AARS1: variants seen among roughly 807,000 people sequenced by gnomAD.
AARS1 encodes the protein alanyl-tRNA synthetase 1.
In AARS1, 72 loss-of-function variants were observed where a neutral mutation model predicts 108.9. The observed-to-expected ratio is 0.66, with a 90% CI of 0.55 to 0.80. The LOEUF (loss-of-function observed/expected upper bound fraction) is 0.80, where lower values mean the gene tolerates loss of function less well. AARS1 is among the 30% of genes least tolerant of loss of function. The pLI is 0.00. For synonymous variants in AARS1, 489 were observed against 465.7 expected (o/e 1.05, Z -0.64); for missense variants, 1,193 against 1,233.2 (o/e 0.97, Z 0.49).
Position 70,255,818 on chromosome 16 carries a change from A to G in AARS1, c.2196T>C (p.Ser732=). The G allele has an allele frequency of 6.2e-7, 1 of 1,613,890 alleles. No homozygotes were observed. The highest frequency in any genetic ancestry group is 8.5e-7 in the Non-Finnish European group (1 of 1,179,938). The part of the protein sequence containing the change: ...FCGGTHLRNS[S]HAGAFVIVTE... The stretch of plus-strand genomic sequence containing the variant: ...TCACGATCACAAAAGCTCCTGCATG[A>G]CTCGAGTTCCGCAGGTGCCTGAATG... Residue 732 remains serine (S), a synonymous_variant, in exon 16 of 21, where the codon AGT becomes AGC. Transcript: ENST00000261772.
At position 70,259,268 on chromosome 16, in the gene AARS1, C is replaced by T. The variant is rs958804412; in HGVS notation, c.1786-82G>A. 4.2e-5 allele frequency: 60 copies of T among 1,415,100 alleles called. No homozygotes were observed. The African/African-American group carries it at 7.6e-4, about 18-fold the overall frequency. 87.7% of individuals were successfully genotyped at this position (1,415,100 alleles called of 1,614,324 possible). A position where few individuals can be genotyped will look rare whatever the true frequency, so the allele number is the denominator to read the frequency against. On this transcript the variant is annotated intron_variant, in intron 13 of 20. Transcript: ENST00000261772. ...TCGTTATCTGCTCCCCCGAGTGCTA[C>T]AATTTTTAGTTGGAAATATGGCTGT... is the stretch of plus-strand genomic sequence containing the variant.
chr16:70,277,906 G>A (rs1960587875), intron 2 of AARS1, among the ~76,000 whole-genome samples: 1 of 151,800 alleles, frequency 6.6e-6, no homozygotes, highest in Non-Finnish European at 1.5e-5. Context: ...GCACGTACAG[G>A]TACACCTGGC....
rs776068061 is a variant in AARS1 at position 70,252,699 on chromosome 16, TG to T, written c.*21del. 6.2e-7 allele frequency: 1 copy of T among 1,613,222 alleles called. No individual in the cohort carries two copies. The highest frequency in any genetic ancestry group is 1.1e-5 in the South Asian group (1 of 90,956). On this transcript the variant is annotated 3_prime_UTR_variant, in exon 21 of 21. Transcript: ENST00000261772. ...CTCTTGGCTGGACGGATGGATCCAG[TG>T]GGAGCCTCCTCCTTCCCCACTCAGT... is the stretch of plus-strand genomic sequence containing the variant.
chr16:70,269,260 C>T (rs186727304), intron 7 of AARS1, among the ~76,000 whole-genome samples: 4 of 135,602 alleles, frequency 2.9e-5, no homozygotes, highest in Non-Finnish European at 6.2e-5. Context: ...GTGGAGGTTG[C>T]GGTGAGCCAA....
chr16:70,279,485 C>A (rs1960639117), intron 2 of AARS1, among the ~76,000 whole-genome samples: 1 of 150,878 alleles, frequency 6.6e-6, no homozygotes, highest in Admixed American at 6.6e-5. Flanking sequence ...CGTGGCGAAA[C>A]CCTGTCTCTA....
chr16:70,280,217 C>T (rs1171766714), intron 2 of AARS1, among the ~76,000 whole-genome samples: 1 of 152,084 alleles, frequency 6.6e-6, no homozygotes, highest in East Asian at 1.9e-4. Flanking sequence ...GTGCCTGGCC[C>T]ATAATTTTCT....
intron 14 of AARS1, 109 bp downstream of exon 14, chr16:70,258,871 A>G (rs994367992): frequency 2.3e-6 from 3 of 1,315,556 alleles, no homozygotes; most frequent in Admixed American, 3.5e-5. Context: ...AAGCAAATCT[A>G]CGTGCAGGAC....
intron 6 of AARS1, 145 bp from the exon 7 acceptor site, chr16:70,269,908 G>A (rs1158390601): frequency 4.3e-6 from 5 of 1,152,036 alleles, no homozygotes; most frequent in Non-Finnish European, 5.1e-6. Flanking sequence ...ACGTGACATT[G>A]GGGAAGTAGA....
chr16:70,267,854 C>T (rs1960300699), intron 8 of AARS1, 45 bp from the exon 9 acceptor site: 1 of 1,613,600 alleles, frequency 6.2e-7, no homozygotes, highest in Non-Finnish European at 8.5e-7. Context: ...AAGCCAGAGA[C>T]TGTTCCCTGC....
intron 2 of AARS1, among the ~76,000 whole-genome samples, chr16:70,279,629 C>T (rs893660009): frequency 2.1e-5 from 3 of 143,494 alleles, no homozygotes; most frequent in African/African-American, 7.8e-5. Context: ...CATTGCACTC[C>T]AGCCTGGGCA....
At chr16:70,289,093 G>C (rs1266653087) in intron 1 of AARS1, among the ~76,000 whole-genome samples, 1 of 152,056 alleles carries the variant, frequency 6.6e-6, no homozygotes, top group Non-Finnish European at 1.5e-5. Flanking sequence ...GGAATGGCTG[G>C]CTTACAGCAG....
intron 2 of AARS1, among the ~76,000 whole-genome samples, chr16:70,279,966 C>T (rs1277996277): frequency 6.6e-6 from 1 of 152,122 alleles, no homozygotes; most frequent in Non-Finnish European, 1.5e-5. Flanking sequence ...TCACGGCTCA[C>T]CTCAACTCCT....
chr16:70,270,271 C>T lies in AARS1; in HGVS notation c.741G>A (p.Leu247=), dbSNP rs148075561. The T allele has an allele frequency of 3.4e-4, 554 of 1,614,146 alleles. 3 individuals carry two copies. The highest frequency in any genetic ancestry group is 2.3e-3 in the Admixed American group (136 of 60,002). ...SIDTGMGLER[L]VSVLQNKMSN... is the part of the protein sequence containing the mutation. ...ACATCTTATTCTGCAGCACAGATAC[C>T]AGTCGTTCCAGGCCCATCCCTGTGT... The change falls in exon 6 of 21, where the codon CTG becomes CTA. Residue 247 remains leucine, a synonymous_variant. Transcript: ENST00000261772.
chr16:70,286,426 A>C (rs1960841833), intron 1 of AARS1, among the ~76,000 whole-genome samples: 1 of 143,782 alleles, frequency 7.0e-6, no homozygotes, highest in Non-Finnish European at 1.5e-5. Context: ...GCTGGAGCGC[A>C]GGCAATGGTG....
chr16:70,283,395 C>CA (rs756046434), intron 1 of AARS1, among the ~76,000 whole-genome samples: 2 of 135,370 alleles, frequency 1.5e-5, no homozygotes, highest in African/African-American at 2.8e-5. Context: ...GACTCCGTCT[C>CA]AAAAAAACAA....
chr16:70,262,989 A>AAAAAAAAC (rs1960176696), intron 11 of AARS1, among the ~76,000 whole-genome samples: 1 of 147,152 alleles, frequency 6.8e-6, no homozygotes, highest in Non-Finnish European at 1.5e-5. Context: ...AAAAAAAAAA[A>AAAAAAAAC]AAAAAAAAAC....
chr16:70,257,049 A>T (rs576484233), intron 15 of AARS1, among the ~76,000 whole-genome samples: 1 of 152,124 alleles, frequency 6.6e-6, no homozygotes, highest in East Asian at 1.9e-4. Flanking sequence ...GAAGATGGAG[A>T]CCATCCTGGC....
chr16:70,257,555 C>T (rs1960021503), intron 15 of AARS1, among the ~76,000 whole-genome samples: 1 of 152,190 alleles, frequency 6.6e-6, no homozygotes. Context: ...CTATCCCAAG[C>T]CAAACTGAGC....
chr16:70,255,096 G>A (rs1959948485), intron 16 of AARS1, among the ~76,000 whole-genome samples: 1 of 152,030 alleles, frequency 6.6e-6, no homozygotes, highest in South Asian at 2.1e-4. Flanking sequence ...ACGCCCCTAG[G>A]AGTACATGGA....
Sources: gnomAD v4.1 joint callset for allele counts (sites outside exome capture counted in the v4.1 genomes callset) on GRCh38, gnomAD v4.1.1 for gene constraint, MANE v1.5 for transcripts, NCBI Gene and HGNC (gene_info 2026-07-23, HGNC 2026-07-21) for gene names.